ITGBL1: variants seen among roughly 807,000 people sequenced by gnomAD.
The protein encoded by ITGBL1 is integrin beta-like protein 1.
In ITGBL1, 51 loss-of-function variants were observed where a neutral mutation model predicts 68.5. The ratio of observed to expected loss-of-function variants is 0.74; its 90% CI spans 0.59 to 0.94. The LOEUF is 0.94. Ranked by LOEUF, ITGBL1 falls within the 40% of genes least tolerant of loss-of-function variation. The probability of loss-of-function intolerance (pLI) is 0.00; values close to 1 mark genes in which losing one functional copy is unlikely to be tolerated. For synonymous variants in ITGBL1, 209 were observed against 227.3 expected (o/e 0.92, Z 0.72); for missense variants, 649 against 647.4 (o/e 1.00, Z -0.03).
At chr13:101,512,941 G>C (rs543459824) in intron 2 of ITGBL1, among the ~76,000 whole-genome samples, 7 of 152,098 alleles carry the variant, frequency 4.6e-5, no homozygotes, top group Non-Finnish European at 8.8e-5. Flanking sequence ...AAATTCTTTT[G>C]TTTGTGCTGG....
intron 2 of ITGBL1, among the ~76,000 whole-genome samples, chr13:101,543,358 T>G (rs1275318039): frequency 6.6e-6 from 1 of 152,248 alleles, no homozygotes; most frequent in African/African-American, 2.4e-5. Flanking sequence ...TTGAAAATTC[T>G]TTTCTTTACG....
chr13:101,472,007 C>A (rs1223359075), intron 2 of ITGBL1, among the ~76,000 whole-genome samples: 3 of 103,124 alleles, frequency 2.9e-5, no homozygotes, highest in Non-Finnish European at 4.6e-5. Flanking sequence ...TAAGTATAAC[C>A]ATATTAATCA....
intron 2 of ITGBL1, among the ~76,000 whole-genome samples, chr13:101,538,600 G>C (rs2049621686): frequency 1.3e-5 from 2 of 151,302 alleles, no homozygotes; most frequent in Non-Finnish European, 2.9e-5. Context: ...CAAAACTCCA[G>C]AAAAAAAATC....
intron 7 of ITGBL1, among the ~76,000 whole-genome samples, chr13:101,689,043 G>A (rs2033819430): frequency 6.8e-6 from 1 of 146,826 alleles, no homozygotes. Flanking sequence ...ACTAAAAATA[G>A]AAAAAAAAAA....
intron 7 of ITGBL1, among the ~76,000 whole-genome samples, chr13:101,671,426 G>GTCTTT (rs2033357634): frequency 8.9e-6 from 1 of 112,640 alleles, no homozygotes; most frequent in Non-Finnish European, 1.8e-5. Context: ...GTATACCTTT[G>GTCTTT]TTTTTTTTTT....
intron 9 of ITGBL1, among the ~76,000 whole-genome samples, chr13:101,709,382 AAAAAAAAAAAAAAAAAG>A (rs1211305725): frequency 2.0e-5 from 3 of 147,908 alleles, no homozygotes; most frequent in Non-Finnish European, 4.5e-5. Flanking sequence ...AAAAAAAAAA[AAAAAAAAAAAAAAAAAG>A]AAAAGCAGGA....
rs116038606 is a variant in ITGBL1, at chr13:101,461,841, A to T, written c.316+7741A>T. 2.0e-3 allele frequency among the ~76,000 whole-genome samples: 305 copies of T among 152,288 alleles called. 1 individual carries two copies. Among genetic ancestry groups the T allele is most frequent in the African/African-American group, 7.0e-3 (290 of 41,558 alleles). On this transcript the variant is annotated intron_variant, in intron 2 of 10. Coordinates refer to ENST00000376180, the MANE Select transcript of ITGBL1 (RefSeq NM_004791.3). ...CTTGTATTATTTTTCTATTGCTGCT[A>T]CAACAAATTACCACAAACCTTGAGG...
At chr13:101,494,726 A>C (rs926335291) in intron 2 of ITGBL1, among the ~76,000 whole-genome samples, 1 of 152,246 alleles carries the variant, frequency 6.6e-6, no homozygotes, top group African/African-American at 2.4e-5. Flanking sequence ...TGAAGACAAT[A>C]TATGGAAATA....
intron 10 of ITGBL1, 36 bp downstream of exon 10, chr13:101,714,587 C>A: frequency 2.4e-6 from 3 of 1,242,270 alleles, no homozygotes; most frequent in Non-Finnish European, 3.6e-6. Flanking sequence ...CTCTATGCCA[C>A]AGTTTGTTAT....
rs568468709 is a variant in ITGBL1 at position 101,706,165 on chromosome 13, A to G, written c.1133-591A>G. Among the ~76,000 whole-genome samples, 289 of 152,306 alleles carry G rather than the reference A, an allele frequency of 1.9e-3. 2 individuals are homozygous for G. The highest frequency in any genetic ancestry group is 6.6e-3 in the African/African-American group (274 of 41,548). On this transcript the variant is annotated intron_variant, in intron 8 of 10. Transcript: ENST00000376180. ...ACCAGGAACCAATGTCAGGAACCAAACCAAAAAAAATGTGCCAAACATGAA... is the reference window on the plus strand; with the variant it reads ...ACCAGGAACCAATGTCAGGAACCAAGCCAAAAAAAATGTGCCAAACATGAA...
At chr13:101,581,381 A>G (rs904746754) in intron 5 of ITGBL1, among the ~76,000 whole-genome samples, 1 of 152,210 alleles carries the variant, frequency 6.6e-6, no homozygotes, top group Non-Finnish European at 1.5e-5. Context: ...ACAGAAAAAT[A>G]AGAAAGTGAC....
rs192887652 is a variant in ITGBL1 at position 101,646,999 on chromosome 13, C to A, written c.1016-45586C>A. ...GGGCCAAAAATCTAAAAGTAATAGA[C>A]CCTGAGTGGTACAATTATGTATTAC... On this transcript the variant is annotated intron_variant, in intron 7 of 10. Coordinates refer to ENST00000376180, the MANE Select transcript of ITGBL1 (RefSeq NM_004791.3). 3.8e-3 allele frequency among the ~76,000 whole-genome samples: 575 copies of A among 152,088 alleles called. 4 individuals are homozygous for A. Among genetic ancestry groups the A allele is most frequent in the African/African-American group, 0.013 (553 of 41,514 alleles).
chr13:101,657,766 G>A (rs2139470107), intron 7 of ITGBL1, among the ~76,000 whole-genome samples: 1 of 152,306 alleles, frequency 6.6e-6, no homozygotes, highest in Admixed American at 6.5e-5. Flanking sequence ...TGCTGCACAT[G>A]TGGATGAATA....
At chr13:101,679,141 C>T (rs538284570) in intron 7 of ITGBL1, among the ~76,000 whole-genome samples, 13 of 151,468 alleles carry the variant, frequency 8.6e-5, no homozygotes, top group African/African-American at 1.2e-4. Flanking sequence ...CTCCTGACCT[C>T]GTGATCTGCC....
intron 2 of ITGBL1, among the ~76,000 whole-genome samples, chr13:101,535,073 C>T (rs774075997): frequency 2.6e-5 from 4 of 152,028 alleles, no homozygotes; most frequent in Non-Finnish European, 4.4e-5. Flanking sequence ...GCTTTTACTC[C>T]ACTTGGGATT....
At chr13:101,685,813 A>T (rs1019269243) in intron 7 of ITGBL1, among the ~76,000 whole-genome samples, 1 of 147,184 alleles carries the variant, frequency 6.8e-6, no homozygotes, top group African/African-American at 2.7e-5. Context: ...GCAATCCAAG[A>T]TTTAGATATT....
chr13:101,518,611 A>C (rs1418095802), intron 2 of ITGBL1, among the ~76,000 whole-genome samples: 1 of 152,202 alleles, frequency 6.6e-6, no homozygotes, highest in Non-Finnish European at 1.5e-5. Flanking sequence ...ATTGATTAGC[A>C]CCATTACTGA....
chr13:101,678,344 A>G (rs1276312929), intron 7 of ITGBL1, among the ~76,000 whole-genome samples: 1 of 152,232 alleles, frequency 6.6e-6, no homozygotes, highest in Admixed American at 6.5e-5. Flanking sequence ...ATTTTAAAAG[A>G]TAAGCCTATT....
intron 2 of ITGBL1, among the ~76,000 whole-genome samples, chr13:101,513,703 T>C (rs1053412485): frequency 6.6e-6 from 1 of 152,100 alleles, no homozygotes; most frequent in African/African-American, 2.4e-5. Context: ...GTAATTATTA[T>C]ACTTCAAATT....
Sources: allele counts gnomAD v4.1 joint callset (sites outside exome capture counted in the v4.1 genomes callset), GRCh38; gene constraint gnomAD v4.1.1; transcripts MANE v1.5; gene names NCBI Gene and HGNC (gene_info 2026-07-23, HGNC 2026-07-21).